Variants in ZNF148 observed in about 807,000 individuals in gnomAD.
The protein encoded by ZNF148 is zinc finger protein 148, also known as Beta-Enolase Repressor Factor-1.
ZNF148 carries 7 observed loss-of-function variants against 67.7 expected under a neutral mutation model. The observed-to-expected ratio is 0.10, with a 90% confidence interval of 0.06 to 0.19. The LOEUF is 0.19. Among genes scored for constraint, ZNF148 ranks in the 10% least tolerant of loss-of-function variants. The pLI is 1.00. For missense variants in ZNF148, 583 were observed against 947.1 expected, an observed-to-expected ratio of 0.62 and a Z score of 5.05; for synonymous variants, 333 against 330.7, an observed-to-expected ratio of 1.01 and a Z score of -0.08.
chr3:125,329,352 TATATAAAA>T (rs1941178932), intron 2 of ZNF148, among the ~76,000 whole-genome samples: 1 of 126,510 alleles, frequency 7.9e-6, no homozygotes, highest in South Asian at 2.4e-4. Context: ...AAATTTTACA[TATATAAAA>T]TTTTTTTTTT....
intron 7 of ZNF148, among the ~76,000 whole-genome samples, chr3:125,239,111 A>G (rs1272390435): frequency 6.6e-6 from 1 of 152,188 alleles, no homozygotes; most frequent in Admixed American, 6.5e-5. Flanking sequence ...AGAAGAGGGG[A>G]AAAGAGAGTT....
chr3:125,240,373 G>A (rs1252362220), intron 7 of ZNF148, among the ~76,000 whole-genome samples: 1 of 151,968 alleles, frequency 6.6e-6, no homozygotes, highest in Non-Finnish European at 1.5e-5. Context: ...TACACAAACT[G>A]GAGAAAACCC....
chr3:125,283,574 G>C (rs1182339774), intron 5 of ZNF148, among the ~76,000 whole-genome samples: 1 of 152,018 alleles, frequency 6.6e-6, no homozygotes, highest in Non-Finnish European at 1.5e-5. Flanking sequence ...GGGAAAATTA[G>C]ATAAATAAAA....
At chr3:125,310,073 ATTTTTTT>A (rs3030721) in intron 4 of ZNF148, among the ~76,000 whole-genome samples, 4 of 137,426 alleles carry the variant, frequency 2.9e-5, no homozygotes, top group African/African-American at 5.5e-5. Flanking sequence ...GGTTCAAAGA[ATTTTTTT>A]TTTTTTTTTT....
chr3:125,275,833 T>C (rs1938029737), intron 7 of ZNF148, among the ~76,000 whole-genome samples: 1 of 152,208 alleles, frequency 6.6e-6, no homozygotes, highest in African/African-American at 2.4e-5. Context: ...GTTTCAAAAA[T>C]ATTTTTTTCA....
chr3:125,327,254 C>A (rs565741389), intron 2 of ZNF148, among the ~76,000 whole-genome samples: 1 of 152,238 alleles, frequency 6.6e-6, no homozygotes, highest in South Asian at 2.1e-4. Flanking sequence ...CAGTAACTAA[C>A]ATTATTGAAA....
chr3:125,313,079 A>G (rs1047830116), intron 4 of ZNF148, among the ~76,000 whole-genome samples: 1 of 152,202 alleles, frequency 6.6e-6, no homozygotes, highest in Non-Finnish European at 1.5e-5. Flanking sequence ...TTAATACCAA[A>G]ATAATCCTGA....
At chr3:125,322,062 C>A (rs1298109923) in intron 3 of ZNF148, among the ~76,000 whole-genome samples, 1 of 115,850 alleles carries the variant, frequency 8.6e-6, no homozygotes, top group Non-Finnish European at 1.6e-5. Flanking sequence ...GAGAGAGTCT[C>A]GCTCTCACCC....
chr3:125,333,095 T>A (rs1348640048), intron 1 of ZNF148, among the ~76,000 whole-genome samples: 1 of 152,184 alleles, frequency 6.6e-6, no homozygotes, highest in African/African-American at 2.4e-5. Flanking sequence ...TTATTACACA[T>A]CTCATCATGA....
Position 125,229,048 on chromosome 3 carries a change from C to T in ZNF148, c.*3293G>A, listed in dbSNP as rs11924106. On this transcript the variant is annotated 3_prime_UTR_variant, in exon 9 of 9. Transcript: ENST00000360647. ...TTCCCTGAAATAAAGCAATTTGAAA[C>T]GGAAAATTAAATTAAATTTCAGACT... is the stretch of plus-strand genomic sequence containing the variant. 1.1e-3 allele frequency: 163 copies of T among 152,136 alleles called. No homozygotes were observed. The highest frequency in any genetic ancestry group is 2.6e-3 in the African/African-American group (107 of 41,330). 9.4% of individuals were successfully genotyped at this position (152,136 alleles called of 1,614,324 possible).
intron 5 of ZNF148, among the ~76,000 whole-genome samples, chr3:125,282,380 T>C (rs1938438688): frequency 6.6e-6 from 1 of 152,136 alleles, no homozygotes; most frequent in Non-Finnish European, 1.5e-5. Flanking sequence ...ATGGACACCA[T>C]TACAACTGAA....
At chr3:125,374,109 C>T (rs979878192) in intron 1 of ZNF148, among the ~76,000 whole-genome samples, 4 of 152,126 alleles carry the variant, frequency 2.6e-5, no homozygotes, top group Admixed American at 6.5e-5. Flanking sequence ...GACCCTTTCT[C>T]AAGGTCTGCT....
chr3:125,370,273 G>A (rs910147383), intron 1 of ZNF148, among the ~76,000 whole-genome samples: 1 of 152,028 alleles, frequency 6.6e-6, no homozygotes, highest in East Asian at 1.9e-4. Context: ...TAAATCTAAA[G>A]GTCCTCTCCA....
chr3:125,327,527 A>G (rs1941083505), intron 2 of ZNF148, among the ~76,000 whole-genome samples: 1 of 152,248 alleles, frequency 6.6e-6, no homozygotes, highest in African/African-American at 2.4e-5. Flanking sequence ...AGTCATAAAA[A>G]TATGTTGTCT....
chr3:125,270,008 T>C (rs1047820876), intron 7 of ZNF148, among the ~76,000 whole-genome samples: 2 of 152,146 alleles, frequency 1.3e-5, no homozygotes, highest in Non-Finnish European at 2.9e-5. Context: ...TATTGGGTAC[T>C]ATGTTCACTG....
At chr3:125,315,948 G>T (rs1295636243) in intron 3 of ZNF148, among the ~76,000 whole-genome samples, 1 of 151,966 alleles carries the variant, frequency 6.6e-6, no homozygotes, top group East Asian at 1.9e-4. Context: ...CAAATAGTAG[G>T]TCTTATTCAT....
intron 4 of ZNF148, among the ~76,000 whole-genome samples, chr3:125,310,474 G>C (rs532343722): frequency 6.6e-6 from 1 of 152,174 alleles, no homozygotes; most frequent in South Asian, 2.1e-4. Context: ...CTAATGCAGT[G>C]CTTAGAGGAA....
chr3:125,263,987 A>G (rs946956468), intron 7 of ZNF148, among the ~76,000 whole-genome samples: 15 of 152,172 alleles, frequency 9.9e-5, no homozygotes, highest in Non-Finnish European at 1.8e-4. Flanking sequence ...AACCTCCATA[A>G]AAGCCCCTAA....
In ZNF148 at chr3:125,370,402, C is replaced by T. The variant is rs78831949; in HGVS notation, c.-234+4700G>A. ...CTATTATCACTAACAGTGAACACTA[C>T]TTTCTATCAGTCATTCAACAGGTAT... On this transcript the variant is annotated intron_variant, in intron 1 of 8. Coordinates refer to ENST00000360647, the MANE Select transcript of ZNF148 (RefSeq NM_021964.3). Among the ~76,000 whole-genome samples, 127 of 152,338 alleles carry T rather than the reference C, an allele frequency of 8.3e-4. 1 individual carries two copies. In the East Asian group the frequency reaches 0.021, roughly 25 times the overall value.
Sources: allele counts gnomAD v4.1 joint callset (sites outside exome capture counted in the v4.1 genomes callset), GRCh38; gene constraint gnomAD v4.1.1; transcripts MANE v1.5; gene names NCBI Gene and HGNC (gene_info 2026-07-23, HGNC 2026-07-21).